RAB38: variants seen among roughly 807,000 people sequenced by gnomAD.
RAB38 encodes ras-related protein Rab-38.
In RAB38, 15 loss-of-function variants were observed where a neutral mutation model predicts 18.4. That is an observed-to-expected ratio of 0.82 (90% CI 0.55 to 1.26). The LOEUF is 1.26. RAB38 is among the 50% of genes most tolerant of loss of function. The pLI, the probability that RAB38 is intolerant of heterozygous loss-of-function variation, is 0.00. For missense variants in RAB38, 294 were observed against 267.4 expected (o/e 1.10, Z -0.69); for synonymous variants, 101 against 104.4 (o/e 0.97, Z 0.20).
chr11:87,869,520 G>C, the RAB38 span, among the ~76,000 whole-genome samples: 1 of 151,718 alleles, frequency 6.6e-6, no homozygotes, highest in South Asian at 2.1e-4. Context: ...AATCATTTTG[G>C]AAAATGCAAT....
At chr11:88,034,067 C>T in the RAB38 span, among the ~76,000 whole-genome samples, 3 of 152,132 alleles carry the variant, frequency 2.0e-5, no homozygotes, top group East Asian at 1.9e-4. Context: ...CTTCCACATC[C>T]GCAACACCTG....
chr11:87,923,696 G>A, the RAB38 span, among the ~76,000 whole-genome samples: 1 of 151,758 alleles, frequency 6.6e-6, no homozygotes, highest in Non-Finnish European at 1.5e-5. Context: ...GAAGAAGTCG[G>A]TGCTTTGGAT....
At chr11:88,129,095 T>C (rs1942738297) in intron 2 of RAB38, among the ~76,000 whole-genome samples, 1 of 152,186 alleles carries the variant, frequency 6.6e-6, no homozygotes, top group Admixed American at 6.5e-5. Context: ...ATTTTAAAAA[T>C]AAATAGAAAA....
chr11:87,822,866 A>T, the RAB38 span, among the ~76,000 whole-genome samples: 1 of 152,208 alleles, frequency 6.6e-6, no homozygotes, highest in African/African-American at 2.4e-5. Context: ...GAAAGAATGA[A>T]AAATGACAAA....
the RAB38 span, among the ~76,000 whole-genome samples, chr11:87,828,224 A>C: frequency 3.3e-5 from 5 of 152,230 alleles, no homozygotes; most frequent in Non-Finnish European, 5.9e-5. Flanking sequence ...TTTGATACCA[A>C]ATCCTCAAAT....
the RAB38 span, among the ~76,000 whole-genome samples, chr11:87,867,546 G>A: frequency 6.6e-5 from 10 of 151,842 alleles, no homozygotes; most frequent in African/African-American, 2.4e-4. Flanking sequence ...GGAGCTTCCT[G>A]ACATTCAAGA....
chr11:88,004,502 A>G, the RAB38 span, among the ~76,000 whole-genome samples: 1 of 151,242 alleles, frequency 6.6e-6, no homozygotes, highest in Admixed American at 6.6e-5. Context: ...ACTATGAAAA[A>G]CCTACAAGAA....
chr11:87,887,712 C>G, the RAB38 span, among the ~76,000 whole-genome samples: 10 of 151,980 alleles, frequency 6.6e-5, no homozygotes, highest in East Asian at 2.0e-3. Flanking sequence ...CCAGACCTTG[C>G]TCTTTGAAAC....
At chr11:87,833,149 C>T in the RAB38 span, among the ~76,000 whole-genome samples, 1 of 152,142 alleles carries the variant, frequency 6.6e-6, no homozygotes, top group Non-Finnish European at 1.5e-5. Flanking sequence ...TGCTCAGTTC[C>T]TATCTCTCTA....
the RAB38 span, among the ~76,000 whole-genome samples, chr11:87,864,480 A>G: frequency 6.6e-6 from 1 of 151,618 alleles, no homozygotes; most frequent in Non-Finnish European, 1.5e-5. Context: ...AGCCTTTGCA[A>G]CTATCTTGTC....
At chr11:87,814,793 G>A in the RAB38 span, among the ~76,000 whole-genome samples, 1 of 151,598 alleles carries the variant, frequency 6.6e-6, no homozygotes, top group African/African-American at 2.4e-5. Flanking sequence ...GACTGCAGTG[G>A]CACTATCTCG....
chr11:87,825,692 C>T, the RAB38 span, among the ~76,000 whole-genome samples: 3 of 151,948 alleles, frequency 2.0e-5, no homozygotes, highest in African/African-American at 7.3e-5. Flanking sequence ...TAACAAAGGC[C>T]TAAAGAGGGA....
At chr11:87,860,092 C>G in the RAB38 span, among the ~76,000 whole-genome samples, 1 of 151,866 alleles carries the variant, frequency 6.6e-6, no homozygotes, top group African/African-American at 2.4e-5. Flanking sequence ...GAGATTCTAA[C>G]AAAGGTGATT....
chr11:88,017,509 C>T, the RAB38 span, among the ~76,000 whole-genome samples: 1 of 151,294 alleles, frequency 6.6e-6, no homozygotes, highest in Non-Finnish European at 1.5e-5. Flanking sequence ...TCAAGGACAT[C>T]TGTCTCTAGT....
At chr11:87,816,008 A>C in the RAB38 span, 1 of 152,354 alleles carries the variant, frequency 6.6e-6, no homozygotes, top group African/African-American at 2.4e-5. Flanking sequence ...TATGGCCAGG[A>C]ATAGTCCTGT....
the RAB38 span, among the ~76,000 whole-genome samples, chr11:87,938,966 G>C: frequency 1.3e-5 from 2 of 151,934 alleles, no homozygotes; most frequent in African/African-American, 4.8e-5. Context: ...AGAAACAGAA[G>C]TCCTTCATTG....
the RAB38 span, among the ~76,000 whole-genome samples, chr11:87,922,610 TTAAAA>T: frequency 6.6e-6 from 1 of 151,968 alleles, no homozygotes; most frequent in Non-Finnish European, 1.5e-5. Flanking sequence ...ATTTTCCCTC[TTAAAA>T]TAAAGGAGCC....
chr11:87,954,451 G>C, the RAB38 span, among the ~76,000 whole-genome samples: 1 of 152,276 alleles, frequency 6.6e-6, no homozygotes, highest in East Asian at 1.9e-4. Context: ...TTTGTGTGCT[G>C]TGTTGTCACA....
chr11:88,011,609 A>T, the RAB38 span, among the ~76,000 whole-genome samples: 2 of 152,166 alleles, frequency 1.3e-5, no homozygotes, highest in African/African-American at 4.8e-5. Flanking sequence ...AAAAGAGTAA[A>T]TAAGGGTGAG....
Sources: gnomAD v4.1 joint callset for allele counts (sites outside exome capture counted in the v4.1 genomes callset) on GRCh38, gnomAD v4.1.1 for gene constraint, MANE v1.5 for transcripts, NCBI Gene and HGNC (gene_info 2026-07-23, HGNC 2026-07-21) for gene names.